Variants in WSB2 observed in about 807,000 individuals in gnomAD.
WSB2 encodes the protein WD repeat and SOCS box containing 2.
Under a neutral mutation model 48.8 loss-of-function variants are expected in WSB2, and 12 were observed. The observed-to-expected ratio is 0.25, with a 90% CI of 0.16 to 0.40. WSB2 has a LOEUF of 0.40. Among genes scored for constraint, WSB2 ranks in the 10% least tolerant of loss-of-function variants. WSB2 has a pLI of 1.00. For missense variants in WSB2, 317 were observed against 506.2 expected, an observed-to-expected ratio of 0.63 and a Z score of 3.59; for synonymous variants, 191 against 203.1, an observed-to-expected ratio of 0.94 and a Z score of 0.51.
chr12:118,055,535 A>T (rs1381014268), intron 1 of WSB2, among the ~76,000 whole-genome samples: 2 of 150,092 alleles, frequency 1.3e-5, no homozygotes, highest in African/African-American at 4.9e-5. Flanking sequence ...GGATCAAATG[A>T]CCAGGATGAA....
chr12:118,052,164 A>G, intron 2 of WSB2, 146 bp downstream of exon 2: 3 of 1,188,208 alleles, frequency 2.5e-6, no homozygotes, highest in Middle Eastern at 2.8e-4. Context: ...TCACATATAC[A>G]GAACTTGGGG....
rs1444058568 is a variant in WSB2 at position 118,042,991 on chromosome 12, C to T, written c.428-19G>A. The T allele has an allele frequency of 6.2e-7, 1 of 1,614,004 alleles. No homozygotes were observed. Among genetic ancestry groups the T allele is most frequent in the South Asian group, 1.1e-5 (1 of 91,070 alleles). ...AGGAGCCCTGGCATGGGAGCAGGGG[C>T]ACTGAGTCAGCCAGAGAGGGGGCAC... On this transcript the variant is annotated intron_variant, in intron 3 of 8. Coordinates refer to ENST00000315436, the MANE Select transcript of WSB2 (RefSeq NM_018639.5).
chr12:118,057,131 C>T (rs887944241), intron 1 of WSB2, among the ~76,000 whole-genome samples: 1 of 152,070 alleles, frequency 6.6e-6, no homozygotes, highest in African/African-American at 2.4e-5. Context: ...CTTGGCTACA[C>T]GGAGAGAAAG....
chr12:118,043,289 C>G lies in WSB2; in HGVS notation c.271G>C (p.Gly91Arg), dbSNP rs1321813172. Reference sequence around the variant, plus strand: ...AAGGCCAGCCCCCAGACAATCTGACCACAGTCCAGCGTCTTCTCTTTTGGG... The same window carrying G: ...AAGGCCAGCCCCCAGACAATCTGACGACAGTCCAGCGTCTTCTCTTTTGGG... ...GSPKEKTLDC[G>R]QIVWGLAFSP... Residue 91 changes from glycine to arginine, a missense_variant, in exon 3 of 9, where the codon GGT (glycine) becomes CGT (arginine). Physicochemically the swap from Gly to Arg is moderately radical, Grantham distance 125. Coordinates refer to ENST00000315436, the MANE Select transcript of WSB2 (RefSeq NM_018639.5). 1.2e-6 allele frequency: 2 copies of G among 1,614,130 alleles called. No individual in the cohort carries two copies. Among genetic ancestry groups the G allele is most frequent in the Non-Finnish European group, 1.7e-6 (2 of 1,179,962 alleles).
At chr12:118,056,004 C>T (rs2031952019) in intron 1 of WSB2, among the ~76,000 whole-genome samples, 1 of 151,816 alleles carries the variant, frequency 6.6e-6, no homozygotes, top group African/African-American at 2.4e-5. Flanking sequence ...CCCTCTCCAT[C>T]TCTACTCTCA....
intron 2 of WSB2, among the ~76,000 whole-genome samples, chr12:118,050,976 C>T (rs1357604233): frequency 1.3e-5 from 2 of 151,798 alleles, no homozygotes; most frequent in Non-Finnish European, 2.9e-5. Flanking sequence ...TGCTTGAACC[C>T]AGGAGGTGGA....
chr12:118,047,549 TCTTTTAAAATA>T, intron 2 of WSB2, among the ~76,000 whole-genome samples: 1 of 152,366 alleles, frequency 6.6e-6, no homozygotes, highest in South Asian at 2.1e-4. Flanking sequence ...CCAAATTCTC[TCTTTTAAAATA>T]CTTTTAAAAT....
At chr12:118,045,508 A>C (rs1182218378) in intron 2 of WSB2, among the ~76,000 whole-genome samples, 1 of 151,848 alleles carries the variant, frequency 6.6e-6, no homozygotes, top group Non-Finnish European at 1.5e-5. Context: ...GACCAGCCTG[A>C]CCAATATGGT....
At chr12:118,036,599 G>A in intron 5 of WSB2, 89 bp from the exon 6 acceptor site, 1 of 1,353,482 alleles carries the variant, frequency 7.4e-7, no homozygotes, top group South Asian at 1.4e-5. Flanking sequence ...CACCAAATCT[G>A]CAGGCCCTGC....
At chr12:118,039,664 C>T (rs946898684) in intron 4 of WSB2, among the ~76,000 whole-genome samples, 4 of 152,228 alleles carry the variant, frequency 2.6e-5, no homozygotes, top group East Asian at 3.9e-4. Flanking sequence ...AATTGTTATA[C>T]GCCTGTACAT....
chr12:118,061,873 G>A, upstream of WSB2, among the ~76,000 whole-genome samples: 1 of 148,804 alleles, frequency 6.7e-6, no homozygotes, highest in African/African-American at 2.5e-5. Context: ...GAAGGAAGGT[G>A]TAATAACCGG....
intron 1 of WSB2, among the ~76,000 whole-genome samples, chr12:118,056,350 G>C (rs80091626): frequency 0.13 from 19,404 of 152,008 alleles, 1,514 homozygotes; most frequent in Non-Finnish European, 0.17. Context: ...TCTTATTCAG[G>C]TCTGGCTCAA....
rs138250029 is a variant in WSB2 at position 118,056,245 on chromosome 12, C to T, written c.14-3767G>A. On this transcript the variant is annotated intron_variant, in intron 1 of 8. Transcript: ENST00000315436. ...CCTGGCTCCAACACATTGCCCTTCT[C>T]TCTACCCTCTGCCAATGCTCAATTA... is the stretch of plus-strand genomic sequence containing the variant. Among the ~76,000 whole-genome samples the T allele has an allele frequency of 8.1e-4, 123 of 152,280 alleles. 2 individuals carry two copies. In the East Asian group the frequency reaches 0.021, roughly 26 times the overall value.
chr12:118,040,862 A>T, intron 4 of WSB2, among the ~76,000 whole-genome samples: 1 of 152,186 alleles, frequency 6.6e-6, no homozygotes, highest in East Asian at 1.9e-4. Context: ...AGCCTGGCCA[A>T]CGTGGTGAAA....
chr12:118,045,146 G>A (rs560156254), intron 2 of WSB2, among the ~76,000 whole-genome samples: 3 of 152,166 alleles, frequency 2.0e-5, no homozygotes, highest in South Asian at 2.1e-4. Context: ...GGAGGCCAAG[G>A]TGGGCAGATC....
intron 1 of WSB2, among the ~76,000 whole-genome samples, chr12:118,053,326 C>T (rs2031890739): frequency 6.6e-6 from 1 of 152,102 alleles, no homozygotes; most frequent in Non-Finnish European, 1.5e-5. Context: ...TACGTTCACA[C>T]CTGGACCCAC....
intron 6 of WSB2, chr12:118,035,807 T>C (rs2031496886): frequency 6.1e-6 from 1 of 165,264 alleles, no homozygotes; most frequent in African/African-American, 2.4e-5. Context: ...ATATTGAGGC[T>C]TCATAATGCT....
At chr12:118,048,939 C>A (rs907121537) in intron 2 of WSB2, among the ~76,000 whole-genome samples, 8 of 152,206 alleles carry the variant, frequency 5.3e-5, no homozygotes, top group African/African-American at 1.9e-4. Flanking sequence ...TAGGGAGATG[C>A]AAGCCCAGGC....
intron 1 of WSB2, among the ~76,000 whole-genome samples, chr12:118,059,695 G>A (rs2032026572): frequency 6.6e-6 from 1 of 152,118 alleles, no homozygotes; most frequent in Non-Finnish European, 1.5e-5. Flanking sequence ...GAACTGTAAG[G>A]AGGCAATGGA....
Sources: gnomAD v4.1 joint callset for allele counts (sites outside exome capture counted in the v4.1 genomes callset) on GRCh38, gnomAD v4.1.1 for gene constraint, MANE v1.5 for transcripts, NCBI Gene and HGNC (gene_info 2026-07-23, HGNC 2026-07-21) for gene names.